CAPS2: variants seen among roughly 807,000 people sequenced by gnomAD.
CAPS2 encodes calcyphosin-2.
A neutral mutation model predicts 86.5 loss-of-function variants in CAPS2; 98 were observed. The observed-to-expected ratio is 1.13, with a 90% CI of 0.96 to 1.34. The LOEUF (loss-of-function observed/expected upper bound fraction) is 1.34, where lower values mean the gene tolerates loss of function less well. CAPS2 is among the 40% of genes most tolerant of loss of function. The pLI, the probability that CAPS2 is intolerant of heterozygous loss-of-function variation, is 0.00. For synonymous variants in CAPS2, 210 were observed against 225.1 expected, an observed-to-expected ratio of 0.93 and a Z score of 0.60; for missense variants, 729 against 686.8, an observed-to-expected ratio of 1.06 and a Z score of -0.69.
intron 1 of CAPS2, chr12:75,370,209 TTAAAA>T (rs774756061): frequency 3.5e-5 from 39 of 1,116,692 alleles, no homozygotes; most frequent in Middle Eastern, 2.0e-4. Flanking sequence ...TTCTCAAATG[TTAAAA>T]TAAAGGAATA....
At chr12:75,337,631 T>C (rs1471016986) in intron 1 of CAPS2, among the ~76,000 whole-genome samples, 4 of 152,008 alleles carry the variant, frequency 2.6e-5, no homozygotes, top group African/African-American at 9.7e-5. Flanking sequence ...TTTTTACATA[T>C]GTATACGTCA....
intron 1 of CAPS2, among the ~76,000 whole-genome samples, chr12:75,349,378 A>G (rs960139805): frequency 2.0e-5 from 3 of 152,248 alleles, no homozygotes; most frequent in Non-Finnish European, 4.4e-5. Context: ...CAACAACAAC[A>G]GCAAAAAAAC....
upstream of CAPS2, among the ~76,000 whole-genome samples, chr12:75,332,629 A>C (rs1249685143): frequency 6.6e-6 from 1 of 152,172 alleles, no homozygotes; most frequent in Non-Finnish European, 1.5e-5. Context: ...GCTCTCAAGA[A>C]GCTTACAGTT....
chr12:75,367,120 C>T, intron 1 of CAPS2: 1 of 672,952 alleles, frequency 1.5e-6, no homozygotes, highest in Non-Finnish European at 2.7e-6. Flanking sequence ...GGAGAAGACA[C>T]TTTAGAATAC....
chr12:75,322,856 C>T (rs2040428609), intron 4 of CAPS2: 16 of 587,356 alleles, frequency 2.7e-5, no homozygotes, highest in South Asian at 1.1e-4. Flanking sequence ...ATTATTTCAC[C>T]AACCTTATGG....
chr12:75,280,583 T>A (rs1312348776), intron 16 of CAPS2, among the ~76,000 whole-genome samples: 1 of 151,854 alleles, frequency 6.6e-6, no homozygotes, highest in African/African-American at 2.4e-5. Flanking sequence ...TACATGATGT[T>A]AAACTATTTC....
chr12:75,298,807 A>G, intron 10 of CAPS2, 27 bp from the exon 11 acceptor site: 1 of 1,603,448 alleles, frequency 6.2e-7, no homozygotes, highest in Non-Finnish European at 8.5e-7. Flanking sequence ...AAAAAAATGG[A>G]AAGTTATTTA....
chr12:75,343,465 G>C (rs1197281827), intron 1 of CAPS2, among the ~76,000 whole-genome samples: 1 of 151,954 alleles, frequency 6.6e-6, no homozygotes, highest in Non-Finnish European at 1.5e-5. Flanking sequence ...CAGGCCATCT[G>C]CTAAGTACAG....
intron 1 of CAPS2, among the ~76,000 whole-genome samples, chr12:75,376,972 T>G (rs73191008): frequency 0.29 from 44,432 of 152,082 alleles, 8,090 homozygotes; most frequent in East Asian, 0.47. Flanking sequence ...CCAGGGAATT[T>G]AGAAGCAACC....
At chr12:75,312,440 T>TA (rs1319051353) in intron 7 of CAPS2, among the ~76,000 whole-genome samples, 2 of 152,166 alleles carry the variant, frequency 1.3e-5, no homozygotes, top group Non-Finnish European at 2.9e-5. Context: ...TGAAAATCAA[T>TA]ATGGAATATA....
intron 16 of CAPS2, among the ~76,000 whole-genome samples, chr12:75,281,378 T>C (rs1396433569): frequency 1.3e-5 from 2 of 151,862 alleles, no homozygotes; most frequent in East Asian, 3.9e-4. Flanking sequence ...AATAAAAGAA[T>C]GGCTAGGTAA....
intron 1 of CAPS2, among the ~76,000 whole-genome samples, chr12:75,376,850 C>T (rs1381562995): frequency 1.3e-5 from 2 of 152,150 alleles, no homozygotes; most frequent in African/African-American, 4.8e-5. Flanking sequence ...CCTTTGTCTT[C>T]AGGAGTTAAG....
rs1371734510 is a variant in CAPS2 at position 75,289,615 on chromosome 12, A to T, written c.1395+6T>A. 4.4e-6 allele frequency: 7 copies of T among 1,607,608 alleles called. No individual in the cohort carries two copies. In the Admixed American group the frequency reaches 1.2e-4, roughly 27 times the overall value. ...TCTGCTGCAGAGAATTTTCTGTAGC[A>T]CATACCTTTTCAGACACTTCTAAGT... On this transcript the variant is annotated splice_donor_region_variant and intron_variant, in intron 14 of 16. Coordinates refer to ENST00000393284, the Ensembl canonical transcript of CAPS2.
rs747507544 is a variant in CAPS2, at chr12:75,287,689, G to A, written c.1395+1932C>T. 6.6e-5 allele frequency among the ~76,000 whole-genome samples: 10 copies of A among 152,112 alleles called. No individual in the cohort carries two copies. The South Asian group carries it at 8.3e-4, about 13-fold the overall frequency. On this transcript the variant is annotated intron_variant, in intron 14 of 16. Transcript: ENST00000393284. The stretch of plus-strand genomic sequence containing the variant: ...CTGCACTCTTTTCCCGATACTTTGC[G>A]TATTCATCTCTTCATCTGTATCCTT...
chr12:75,361,526 T>A (rs2043591009), intron 1 of CAPS2, among the ~76,000 whole-genome samples: 1 of 152,154 alleles, frequency 6.6e-6, no homozygotes, highest in Non-Finnish European at 1.5e-5. Flanking sequence ...TTGCACCCTC[T>A]GAAGCAACAG....
intron 15 of CAPS2, among the ~76,000 whole-genome samples, chr12:75,283,792 C>A (rs2034397077): frequency 6.6e-6 from 1 of 151,986 alleles, no homozygotes; most frequent in Admixed American, 6.6e-5. Flanking sequence ...CCAGCCTGGG[C>A]AACAGAGCAA....
chr12:75,300,046 C>CT (rs996883202), intron 8 of CAPS2, 135 bp from the exon 9 acceptor site: 45 of 432,526 alleles, frequency 1.0e-4, no homozygotes, highest in East Asian at 5.1e-4. Context: ...AAAAAAAACT[C>CT]TTTTTTTCAG....
Position 75,309,954 on chromosome 12 carries a change from T to C in CAPS2, c.659+2894A>G, listed in dbSNP as rs543706093. On this transcript the variant is annotated intron_variant, in intron 7 of 16. Transcript: ENST00000393284. Reference sequence around the variant, plus strand: ...AAAATCAAGACATAGAGAAGGAAAATATGAAACCTCAAACAGCAAATTAGT... The same window carrying C: ...AAAATCAAGACATAGAGAAGGAAAACATGAAACCTCAAACAGCAAATTAGT... 3.3e-5 allele frequency among the ~76,000 whole-genome samples: 5 copies of C among 152,162 alleles called. No individual in the cohort carries two copies. The South Asian group carries it at 1.0e-3, about 31-fold the overall frequency.
intron 1 of CAPS2, among the ~76,000 whole-genome samples, chr12:75,369,151 G>A (rs975418575): frequency 7.9e-5 from 12 of 151,866 alleles, no homozygotes; most frequent in Admixed American, 3.3e-4. Flanking sequence ...GTGATTAAGC[G>A]TATTAAATAT....
Sources: gnomAD v4.1 joint callset for allele counts (sites outside exome capture counted in the v4.1 genomes callset) on GRCh38, gnomAD v4.1.1 for gene constraint, MANE v1.5 for transcripts, NCBI Gene and HGNC (gene_info 2026-07-23, HGNC 2026-07-21) for gene names.